Variants in PVT1 observed in about 807,000 individuals in gnomAD.
PVT1 encodes Pvt1 oncogene.
intron 5 of PVT1, among the ~76,000 whole-genome samples, chr8:128,079,779 T>C (rs2542404): frequency 0.71 from 107,997 of 151,892 alleles, 38,675 homozygotes; most frequent in East Asian, 0.83. Flanking sequence ...GGCTGGAGTG[T>C]AGTGGTGTGA....
At chr8:127,813,332 A>G (rs7815615) in intron 2 of PVT1, among the ~76,000 whole-genome samples, 102,055 of 150,386 alleles carry the variant, frequency 0.68, 36,046 homozygotes, top group African/African-American at 0.88. Flanking sequence ...GGAGCAGTTT[A>G]ATCCCAGGAT....
chr8:127,813,135 ACT>A (rs1318904574), intron 2 of PVT1, among the ~76,000 whole-genome samples: 9 of 148,084 alleles, frequency 6.1e-5, no homozygotes, highest in Non-Finnish European at 1.0e-4. Flanking sequence ...CAATTTTGAG[ACT>A]CTGTCTCAAA....
intron 3 of PVT1, among the ~76,000 whole-genome samples, chr8:127,906,947 C>T (rs193247572): frequency 6.6e-6 from 1 of 150,752 alleles, no homozygotes; most frequent in African/African-American, 2.4e-5. Flanking sequence ...TTCCCTGGCA[C>T]TCTCTCTTTT....
chr8:127,942,178 C>T (rs776219744), intron 3 of PVT1, among the ~76,000 whole-genome samples: 11 of 152,190 alleles, frequency 7.2e-5, no homozygotes, highest in Non-Finnish European at 1.3e-4. Flanking sequence ...TCAGTTCTGC[C>T]AGTTGGGAAG....
chr8:127,870,158 G>T (rs1815336167), intron 2 of PVT1, among the ~76,000 whole-genome samples: 1 of 152,188 alleles, frequency 6.6e-6, no homozygotes, highest in African/African-American at 2.4e-5. Context: ...TTGGATTAGG[G>T]TGGGGGCTAA....
chr8:127,808,199 C>G (rs1814548975), intron 2 of PVT1, among the ~76,000 whole-genome samples: 1 of 152,154 alleles, frequency 6.6e-6, no homozygotes, highest in Non-Finnish European at 1.5e-5. Context: ...AGGCACAACC[C>G]CCGTCTGGCT....
At chr8:127,872,454 G>GT (rs1228807612) in intron 2 of PVT1, among the ~76,000 whole-genome samples, 1 of 152,058 alleles carries the variant, frequency 6.6e-6, no homozygotes, top group African/African-American at 2.4e-5. Flanking sequence ...TGGATTGTTC[G>GT]TAACACAAAG....
intron 2 of PVT1, among the ~76,000 whole-genome samples, chr8:127,817,489 G>GTATA (rs1490929524): frequency 3.2e-5 from 4 of 124,022 alleles, no homozygotes; most frequent in African/African-American, 6.8e-5. Flanking sequence ...GTGTGTGTGT[G>GTATA]TGTATATACA....
intron 4 of PVT1, among the ~76,000 whole-genome samples, chr8:127,999,542 A>G (rs1341979420): frequency 2.6e-5 from 4 of 151,732 alleles, no homozygotes; most frequent in East Asian, 1.9e-4. Context: ...TCTCACTGCA[A>G]CCTCGCTCTC....
intron 3 of PVT1, among the ~76,000 whole-genome samples, chr8:127,966,612 G>A (rs1269946702): frequency 2.6e-5 from 4 of 152,200 alleles, no homozygotes; most frequent in Admixed American, 2.0e-4. Flanking sequence ...CCTTAGCCAC[G>A]TGGGGCTGTT....
chr8:127,981,633 AG>A (rs1190050530), intron 3 of PVT1, among the ~76,000 whole-genome samples: 1 of 152,194 alleles, frequency 6.6e-6, no homozygotes, highest in Non-Finnish European at 1.5e-5. Flanking sequence ...TTTGAGGGAA[AG>A]TTGAATGTAA....
At chr8:127,919,799 C>T (rs529038619) in intron 3 of PVT1, among the ~76,000 whole-genome samples, 1 of 152,218 alleles carries the variant, frequency 6.6e-6, no homozygotes, top group Non-Finnish European at 1.5e-5. Context: ...TCCAAGCCCT[C>T]GCATGCAGGC....
In PVT1 at chr8:128,083,082, G is replaced by A. The variant is rs189021987; in HGVS notation, n.1114+12721G>A. ...AAAGTTCCAGAGCAAGAGTTCCTGG[G>A]TTCTAATCTTGGCTCTGTGGCGTGA... is the stretch of plus-strand genomic sequence containing the variant. On this transcript the variant is annotated intron_variant and non_coding_transcript_variant, in intron 5 of 10. Coordinates refer to ENST00000651587, the Ensembl canonical transcript of PVT1. 5.9e-5 allele frequency among the ~76,000 whole-genome samples: 9 copies of A among 152,278 alleles called. No homozygotes were observed. The East Asian group carries it at 1.7e-3, about 29-fold the overall frequency.
At chr8:127,946,322 T>G (rs375886862) in intron 3 of PVT1, among the ~76,000 whole-genome samples, 1 of 152,246 alleles carries the variant, frequency 6.6e-6, no homozygotes, top group Non-Finnish European at 1.5e-5. Flanking sequence ...CCTTGTGGGC[T>G]GTATAGTCTA....
intron 3 of PVT1, among the ~76,000 whole-genome samples, chr8:127,964,351 C>T (rs930357046): frequency 6.6e-6 from 1 of 152,060 alleles, no homozygotes; most frequent in African/African-American, 2.4e-5. Flanking sequence ...CTCAGCTTGG[C>T]GGATACAGCA....
chr8:127,881,435 A>ATTATAT (rs145675614), intron 2 of PVT1, among the ~76,000 whole-genome samples: 3 of 100,838 alleles, frequency 3.0e-5, no homozygotes, highest in Non-Finnish European at 3.6e-5. Flanking sequence ...TATTGTTATT[A>ATTATAT]TATTATTATT....
intron 3 of PVT1, among the ~76,000 whole-genome samples, chr8:127,962,257 T>G (rs1476890719): frequency 1.3e-5 from 2 of 152,064 alleles, no homozygotes; most frequent in Non-Finnish European, 2.9e-5. Flanking sequence ...GAGCCACCGC[T>G]CCCGGCCATG....
rs77803410 is a variant in PVT1, at chr8:127,857,468, T to G, written n.373-33121T>G. On this transcript the variant is annotated intron_variant and non_coding_transcript_variant, in intron 2 of 10. Transcript: ENST00000651587. ...CAGGAGGATGGAGTATGTCCAGGAGTTTGAGACTAGCCTGGACAGCATAGT... is the reference window on the plus strand; with the variant it reads ...CAGGAGGATGGAGTATGTCCAGGAGGTTGAGACTAGCCTGGACAGCATAGT... Among the ~76,000 whole-genome samples, 401 of 151,376 alleles carry G rather than the reference T, an allele frequency of 2.6e-3. 3 individuals are homozygous for G. The highest frequency in any genetic ancestry group is 9.3e-3 in the African/African-American group (385 of 41,186).
At position 127,837,514 on chromosome 8, in the gene PVT1, G is replaced by A. The variant is rs180976895; in HGVS notation, n.372+41443G>A. Among the ~76,000 whole-genome samples the A allele has an allele frequency of 1.6e-4, 25 of 151,552 alleles. No homozygotes were observed. In the East Asian group the frequency reaches 4.4e-3, roughly 27 times the overall value. Reference sequence around the variant, plus strand: ...AAATTCCCTTGATTTATTGTTTTTCGGAGGCTGTAGATAACATTAGAGTAT... The same window carrying A: ...AAATTCCCTTGATTTATTGTTTTTCAGAGGCTGTAGATAACATTAGAGTAT... On this transcript the variant is annotated intron_variant and non_coding_transcript_variant, in intron 2 of 10. Coordinates refer to ENST00000651587, the Ensembl canonical transcript of PVT1.
Sources: gnomAD v4.1 joint callset for allele counts (sites outside exome capture counted in the v4.1 genomes callset) on GRCh38, gnomAD v4.1.1 for gene constraint, MANE v1.5 for transcripts, NCBI Gene and HGNC (gene_info 2026-07-23, HGNC 2026-07-21) for gene names.